Variants in CARS2 observed in about 807,000 individuals in gnomAD.
CARS2 encodes the protein cysteinyl-tRNA synthetase 2, mitochondrial.
Under a neutral mutation model 68.8 loss-of-function variants are expected in CARS2, and 52 were observed. That is an observed-to-expected ratio of 0.76 (90% CI 0.61 to 0.95). CARS2 has a LOEUF of 0.95. Among genes scored for constraint, CARS2 ranks in the 40% least tolerant of loss-of-function variants. The pLI is 0.00. For synonymous variants in CARS2, 314 were observed against 303.6 expected, an observed-to-expected ratio of 1.03 and a Z score of -0.36; for missense variants, 780 against 754.2, an observed-to-expected ratio of 1.03 and a Z score of -0.40.
rs139379752 is a variant in CARS2 at position 110,682,757 on chromosome 13, G to C, written c.655+294C>G. ...TGATGTACGTGTATGAGGTTTTCATGTGCGCTGAAAACCCTGGGGAGGAAA... is the reference window on the plus strand; with the variant it reads ...TGATGTACGTGTATGAGGTTTTCATCTGCGCTGAAAACCCTGGGGAGGAAA... On this transcript the variant is annotated intron_variant, in intron 6 of 14. Transcript: ENST00000257347. 1.9e-3 allele frequency among the ~76,000 whole-genome samples: 288 copies of C among 152,260 alleles called. 7 individuals carry two copies. In the East Asian group the frequency reaches 0.041, roughly 22 times the overall value.
chr13:110,678,429 T>A (rs2063036631), intron 6 of CARS2, among the ~76,000 whole-genome samples: 1 of 152,076 alleles, frequency 6.6e-6, no homozygotes, highest in Non-Finnish European at 1.5e-5. Flanking sequence ...AATATCACCC[T>A]TTCCACCCGG....
intron 8 of CARS2, chr13:110,666,374 C>G (rs2062648564): frequency 1.0e-6 from 1 of 985,256 alleles, no homozygotes. Flanking sequence ...CCTAAGTCCT[C>G]AAACAGCCAC....
chr13:110,665,830 G>A lies in CARS2; in HGVS notation c.919+1510C>T. The stretch of plus-strand genomic sequence containing the variant: ...CCCTGCTGCGGACCAGAAAACCGGA[G>A]CACTTCTGCATTTAATGTCACCTTA... On this transcript the variant is annotated intron_variant, in intron 8 of 14. Transcript: ENST00000257347. The surrounding 1 kb of genome is among the most constrained non-coding windows in gnomAD (Gnocchi z 4.3). The A allele has an allele frequency of 1.0e-6, 1 of 985,344 alleles. No individual in the cohort carries two copies. The highest frequency in any genetic ancestry group is 1.2e-6 in the Non-Finnish European group (1 of 829,910). 61.0% of individuals were successfully genotyped at this position (985,344 alleles called of 1,614,324 possible). A position where few individuals can be genotyped will look rare whatever the true frequency, so the allele number is the denominator to read the frequency against.
chr13:110,689,322 C>T (rs1017187086), intron 3 of CARS2, among the ~76,000 whole-genome samples: 1 of 152,238 alleles, frequency 6.6e-6, no homozygotes, highest in Non-Finnish European at 1.5e-5. Flanking sequence ...CACGCAGCCT[C>T]GGGAACCAAG....
rs1226195441 is a variant in CARS2, at chr13:110,663,117, G to C, written c.987+334C>G. Reference sequence around the variant, plus strand: ...CACACCAGTAAGAGGTGGTGGGTGAGGGCGGGAAGGAAGTCAGCAGATGCA... The same window carrying C: ...CACACCAGTAAGAGGTGGTGGGTGACGGCGGGAAGGAAGTCAGCAGATGCA... On this transcript the variant is annotated intron_variant, in intron 9 of 14. Transcript: ENST00000257347. The C allele has an allele frequency of 6.0e-6, 3 of 502,512 alleles. No homozygotes were observed. In the Admixed American group the frequency reaches 6.9e-5, roughly 12 times the overall value. The allele number at this position is 502,512 out of a possible 1,614,324, so 31.1% of individuals were successfully genotyped here.
chr13:110,684,844 T>C (rs1297347308), intron 5 of CARS2, among the ~76,000 whole-genome samples: 1 of 152,112 alleles, frequency 6.6e-6, no homozygotes, highest in Non-Finnish European at 1.5e-5. Context: ...GCTGAAGAAA[T>C]TGTTTTTCAC....
chr13:110,705,684 AG>A lies in CARS2; in HGVS notation c.225-114del. The A allele has an allele frequency of 6.8e-7, 1 of 1,479,522 alleles. No individual in the cohort carries two copies. Among genetic ancestry groups the A allele is most frequent in the Non-Finnish European group, 9.3e-7 (1 of 1,080,108 alleles). 91.6% of individuals were successfully genotyped at this position (1,479,522 alleles called of 1,614,324 possible). ...AAGTAATCACTTCTGGGGGATGAAT[AG>A]CCGGGGTTTTCATACTTGCTCAATT... On this transcript the variant is annotated intron_variant, in intron 1 of 14. Coordinates refer to ENST00000257347, the MANE Select transcript of CARS2 (RefSeq NM_024537.4). This position sits in a 1 kb window ranked among gnomAD's most constrained non-coding sequence, Gnocchi z 4.0.
In CARS2 at chr13:110,665,676, G is replaced by A. The variant is rs368719505; in HGVS notation, c.919+1664C>T. The A allele has an allele frequency of 3.7e-5, 36 of 985,360 alleles. No homozygotes were observed. The highest frequency in any genetic ancestry group is 4.2e-5 in the Non-Finnish European group (35 of 829,912). 61.0% of individuals were successfully genotyped at this position (985,360 alleles called of 1,614,324 possible). A position where few individuals can be genotyped will look rare whatever the true frequency, so the allele number is the denominator to read the frequency against. On this transcript the variant is annotated intron_variant, in intron 8 of 14. Transcript: ENST00000257347. The surrounding 1 kb of genome is among the most constrained non-coding windows in gnomAD (Gnocchi z 4.3). ...AACCTGCAGACAGAAACGTGCCTGCGGAGGGAGCAACTCCAGCTCCTCAGA... is the reference window on the plus strand; with the variant it reads ...AACCTGCAGACAGAAACGTGCCTGCAGAGGGAGCAACTCCAGCTCCTCAGA...
chr13:110,708,412 T>C (rs976974249), upstream of CARS2, among the ~76,000 whole-genome samples: 8 of 152,244 alleles, frequency 5.3e-5, no homozygotes, highest in African/African-American at 1.9e-4. Context: ...GAAAGCAGCT[T>C]AGTAACACTG....
At chr13:110,664,752 G>T in intron 8 of CARS2, 1 of 603,138 alleles carries the variant, frequency 1.7e-6, no homozygotes, top group Non-Finnish European at 2.1e-6. Context: ...CTGAAGGCAG[G>T]GCCTGTGGGA....
At chr13:110,647,026 C>T in intron 11 of CARS2, 75 bp downstream of exon 11, 1 of 1,463,680 alleles carries the variant, frequency 6.8e-7, no homozygotes, top group Non-Finnish European at 9.1e-7. Context: ...CCCCTCTTCC[C>T]CTTCAAGAGC....
At chr13:110,667,308 A>G in intron 8 of CARS2, 32 bp downstream of exon 8, 2 of 1,588,174 alleles carry the variant, frequency 1.3e-6, no homozygotes, top group Non-Finnish European at 1.7e-6. Context: ...TAGAATTGAA[A>G]CAGAACAAAT....
At chr13:110,692,962 T>C (rs2063514817) in intron 3 of CARS2, among the ~76,000 whole-genome samples, 1 of 151,072 alleles carries the variant, frequency 6.6e-6, no homozygotes, top group African/African-American at 2.4e-5. Context: ...ATACAAAAAT[T>C]AGCTGGGTGT....
At chr13:110,649,500 C>A (rs2062143493) in intron 10 of CARS2, among the ~76,000 whole-genome samples, 1 of 152,192 alleles carries the variant, frequency 6.6e-6, no homozygotes, top group Non-Finnish European at 1.5e-5. Flanking sequence ...CACCCAAACC[C>A]ACCAAAGCTT....
intron 12 of CARS2, chr13:110,645,603 GC>G (rs1888001558): frequency 5.4e-6 from 1 of 186,096 alleles, no homozygotes; most frequent in African/African-American, 2.4e-5. Flanking sequence ...GCATAACAGT[GC>G]CTTGGGGTAA....
chr13:110,704,011 C>G (rs1362576254), intron 2 of CARS2, among the ~76,000 whole-genome samples: 1 of 152,244 alleles, frequency 6.6e-6, no homozygotes, highest in Non-Finnish European at 1.5e-5. Context: ...TACCTTCTAC[C>G]ATGTGAGGAC....
chr13:110,705,650 T>C lies in CARS2; in HGVS notation c.225-79A>G. On this transcript the variant is annotated intron_variant, in intron 1 of 14. Coordinates refer to ENST00000257347, the MANE Select transcript of CARS2 (RefSeq NM_024537.4). The surrounding 1 kb of genome is among the most constrained non-coding windows in gnomAD (Gnocchi z 4.0). Reference sequence around the variant, plus strand: ...TCGATTCTGAGTTATAATGATCATATAATTTTTAAAGTAATCACTTCTGGG... The same window carrying C: ...TCGATTCTGAGTTATAATGATCATACAATTTTTAAAGTAATCACTTCTGGG... 1 of 1,504,528 alleles carries C rather than the reference T, an allele frequency of 6.6e-7. No individual in the cohort carries two copies. Among genetic ancestry groups the C allele is most frequent in the Non-Finnish European group, 9.2e-7 (1 of 1,085,356 alleles). 93.2% of individuals were successfully genotyped at this position (1,504,528 alleles called of 1,614,324 possible). A position where few individuals can be genotyped will look rare whatever the true frequency, so the allele number is the denominator to read the frequency against.
chr13:110,703,115 C>T (rs2063838544), intron 2 of CARS2, among the ~76,000 whole-genome samples: 1 of 152,152 alleles, frequency 6.6e-6, no homozygotes, highest in Non-Finnish European at 1.5e-5. Flanking sequence ...TATTTGTTTT[C>T]CCCAAACAGG....
At chr13:110,710,428 C>T (rs771417425), upstream of CARS2, among the ~76,000 whole-genome samples, 16 of 152,110 alleles carry the variant, frequency 1.1e-4, no homozygotes, top group Non-Finnish European at 1.8e-4. Flanking sequence ...ATCTGACTCT[C>T]ATAGGTTTGA....
Sources: gnomAD v4.1 joint callset for allele counts (sites outside exome capture counted in the v4.1 genomes callset) on GRCh38, gnomAD v4.1.1 for gene constraint, Gnocchi (gnomAD v3.1) non-coding constraint, MANE v1.5 for transcripts, NCBI Gene and HGNC (gene_info 2026-07-23, HGNC 2026-07-21) for gene names.